The following STK39 variants were observed in gnomAD, a reference collection of about 807,000 sequenced individuals.
STK39 encodes the protein STE20/SPS1-related proline-alanine-rich protein kinase.
A neutral mutation model predicts 77.8 loss-of-function variants in STK39; 20 were observed. The ratio of observed to expected loss-of-function variants is 0.26; its 90% CI spans 0.18 to 0.37. The LOEUF (loss-of-function observed/expected upper bound fraction) is 0.37, where lower values mean the gene tolerates loss of function less well. STK39 is among the 10% of genes least tolerant of loss of function. The pLI, the probability that STK39 is intolerant of heterozygous loss-of-function variation, is 1.00. For missense variants in STK39, 479 were observed against 656.5 expected (o/e 0.73, Z 2.95); for synonymous variants, 246 against 234.1 (o/e 1.05, Z -0.47).
At chr2:168,242,916 A>G (rs947577859) in intron 1 of STK39, among the ~76,000 whole-genome samples, 2 of 151,654 alleles carry the variant, frequency 1.3e-5, no homozygotes, top group African/African-American at 4.8e-5. Context: ...TACAAAATAC[A>G]AAAGAACATT....
chr2:168,017,481 C>T (rs1684444778), intron 14 of STK39, among the ~76,000 whole-genome samples: 1 of 145,948 alleles, frequency 6.9e-6, no homozygotes, highest in South Asian at 2.1e-4. Flanking sequence ...AGCTATTCTC[C>T]TGTCTCAGCC....
In STK39 at chr2:168,236,923, G is replaced by A. The variant is rs1574583246; in HGVS notation, c.208+10305C>T. Among the ~76,000 whole-genome samples the A allele has an allele frequency of 2.0e-5, 3 of 152,188 alleles. No homozygotes were observed. In the East Asian group the frequency reaches 5.8e-4, roughly 29 times the overall value. ...GTTCTTTTGTCTTAGGATTGACTTG[G>A]CAATGCGGGCTTTTTGGTTCCATAT... On this transcript the variant is annotated intron_variant, in intron 1 of 17. Transcript: ENST00000355999.
At chr2:168,125,809 G>A (rs977867396) in intron 10 of STK39, among the ~76,000 whole-genome samples, 12 of 152,010 alleles carry the variant, frequency 7.9e-5, no homozygotes, top group Non-Finnish European at 1.6e-4. Context: ...GAGTCAATCC[G>A]GATGAAGACA....
chr2:168,096,216 T>C (rs1218400095), intron 10 of STK39, among the ~76,000 whole-genome samples: 1 of 152,168 alleles, frequency 6.6e-6, no homozygotes, highest in Non-Finnish European at 1.5e-5. Context: ...ACAGAGAATT[T>C]AGAAAATAAA....
intron 2 of STK39, among the ~76,000 whole-genome samples, chr2:168,173,039 T>C (rs958725399): frequency 1.3e-5 from 2 of 152,194 alleles, no homozygotes; most frequent in African/African-American, 2.4e-5. Flanking sequence ...GTGGTTCTAA[T>C]GTGCAGCCAC....
intron 14 of STK39, among the ~76,000 whole-genome samples, chr2:168,059,172 A>C (rs868624482): frequency 7.2e-5 from 11 of 152,150 alleles, no homozygotes; most frequent in African/African-American, 2.7e-4. Flanking sequence ...CTTTATTTGG[A>C]GAGGCCTTCT....
chr2:168,102,902 C>T (rs1266610429), intron 10 of STK39, among the ~76,000 whole-genome samples: 1 of 140,160 alleles, frequency 7.1e-6, no homozygotes, highest in African/African-American at 2.7e-5. Flanking sequence ...TGCACTCCAG[C>T]CTGGGCGACA....
At chr2:168,079,628 T>G (rs2105412503) in intron 10 of STK39, among the ~76,000 whole-genome samples, 1 of 152,192 alleles carries the variant, frequency 6.6e-6, no homozygotes, top group East Asian at 1.9e-4. Context: ...GGAGGGAGCT[T>G]GTTAGAAATG....
intron 10 of STK39, among the ~76,000 whole-genome samples, chr2:168,087,095 C>T (rs1686387781): frequency 1.3e-5 from 2 of 152,206 alleles, no homozygotes; most frequent in Non-Finnish European, 2.9e-5. Flanking sequence ...AGACAAATAG[C>T]ACAGAAGAGA....
At chr2:168,044,782 C>A (rs1448335471) in intron 14 of STK39, among the ~76,000 whole-genome samples, 1 of 152,094 alleles carries the variant, frequency 6.6e-6, no homozygotes, top group Admixed American at 6.5e-5. Context: ...GCATGCTGGG[C>A]AAGGGTCACA....
At chr2:168,090,169 T>C (rs1391336296) in intron 10 of STK39, among the ~76,000 whole-genome samples, 3 of 152,232 alleles carry the variant, frequency 2.0e-5, no homozygotes, top group East Asian at 1.9e-4. Flanking sequence ...GAAAATGTTC[T>C]AGCATATAAG....
chr2:168,225,076 GTTT>G (rs1690270020), intron 1 of STK39, among the ~76,000 whole-genome samples: 1 of 152,158 alleles, frequency 6.6e-6, no homozygotes, highest in Non-Finnish European at 1.5e-5. Flanking sequence ...TCTAGCCATC[GTTT>G]TGAAAGTGAA....
chr2:168,210,544 A>T (rs560470350), intron 1 of STK39, among the ~76,000 whole-genome samples: 28 of 152,258 alleles, frequency 1.8e-4, no homozygotes, highest in African/African-American at 5.3e-4. Context: ...TTTTGAGACG[A>T]AGTCTTGCTC....
chr2:168,232,843 C>T (rs908538320), intron 1 of STK39, among the ~76,000 whole-genome samples: 13 of 151,648 alleles, frequency 8.6e-5, no homozygotes, highest in Non-Finnish European at 1.8e-4. Context: ...ACCCAGGAGG[C>T]GGAGGTTGCA....
chr2:168,085,903 G>A (rs1443807965), intron 10 of STK39, among the ~76,000 whole-genome samples: 3 of 152,126 alleles, frequency 2.0e-5, no homozygotes, highest in East Asian at 1.9e-4. Flanking sequence ...AATACTCAAC[G>A]GTTGAAGTCT....
chr2:167,991,546 T>A (rs1683700795), intron 16 of STK39, among the ~76,000 whole-genome samples: 1 of 152,228 alleles, frequency 6.6e-6, no homozygotes, highest in Non-Finnish European at 1.5e-5. Flanking sequence ...CCCTGTGATG[T>A]TACTGCTGTT....
rs935591700 is a variant in STK39, at chr2:168,061,752, A to G, written c.1376+1748T>C. Among the ~76,000 whole-genome samples the G allele has an allele frequency of 3.3e-5, 5 of 152,342 alleles. No individual in the cohort carries two copies. The South Asian group carries it at 1.0e-3, about 32-fold the overall frequency. The stretch of plus-strand genomic sequence containing the variant: ...TTCTTATAGTATTTTGTCTAAGAAA[A>G]GAGAAGAACATTCCTTGCAAATATA... On this transcript the variant is annotated intron_variant, in intron 14 of 17. Coordinates refer to ENST00000355999, the MANE Select transcript of STK39 (RefSeq NM_013233.3).
At chr2:168,078,017 C>T (rs180995781) in intron 10 of STK39, among the ~76,000 whole-genome samples, 1 of 151,904 alleles carries the variant, frequency 6.6e-6, no homozygotes, top group Admixed American at 6.6e-5. Context: ...TGCTCTTGTT[C>T]TACTAAATGA....
intron 10 of STK39, among the ~76,000 whole-genome samples, chr2:168,084,614 G>A (rs1245955485): frequency 1.3e-5 from 2 of 152,340 alleles, no homozygotes; most frequent in South Asian, 4.1e-4. Context: ...AAGCGGAAAT[G>A]CACCTAATGA....
Sources: gnomAD v4.1 joint callset for allele counts (sites outside exome capture counted in the v4.1 genomes callset) on GRCh38, gnomAD v4.1.1 for gene constraint, MANE v1.5 for transcripts, NCBI Gene and HGNC (gene_info 2026-07-23, HGNC 2026-07-21) for gene names.